BTNL8: variants seen among roughly 807,000 people sequenced by gnomAD.
BTNL8 encodes the protein butyrophilin-like protein 8.
Under a neutral mutation model 36.1 loss-of-function variants are expected in BTNL8, and 22 were observed. The observed-to-expected ratio is 0.61, with a 90% confidence interval of 0.44 to 0.87. The LOEUF (loss-of-function observed/expected upper bound fraction) is 0.87. BTNL8 is among the 40% of genes least tolerant of loss of function. The probability of loss-of-function intolerance (pLI) is 0.00; values close to 1 mark genes in which losing one functional copy is unlikely to be tolerated. For missense variants in BTNL8, 526 were observed against 616.9 expected (o/e 0.85, Z 1.56); for synonymous variants, 203 against 235.6 (o/e 0.86, Z 1.27).
chr5:180,949,537 G>A (rs1489366801), intron 7 of BTNL8: 2 of 566,082 alleles, frequency 3.5e-6, no homozygotes, highest in African/African-American at 1.9e-5. Flanking sequence ...ACTAGTGACT[G>A]GTCAGGGGTC....
chr5:180,911,587 G>C lies in BTNL8; in HGVS notation c.646G>C (p.Glu216Gln), dbSNP rs762079358. 5.6e-6 allele frequency: 9 copies of C among 1,613,604 alleles called. No homozygotes were observed. The South Asian group carries it at 8.8e-5, about 16-fold the overall frequency. Residue 216 changes from glutamate (E) to glutamine (Q), a missense_variant, in exon 3 of 8, where the codon GAG becomes CAG. This residue lies in a region of BTNL8 where 350 missense variants were observed against 324.6 expected (regional missense o/e 1.08). Coordinates refer to ENST00000340184, the MANE Select transcript of BTNL8 (RefSeq NM_001040462.3). ...CATGCGGCATGCTCATCTGAGCCGA[G>C]AGGTGGAATCCAGGGTACAGATAGG... ...CSMRHAHLSREVESRVQIGDT... is the reference protein window; with the variant it reads ...CSMRHAHLSRQVESRVQIGDT...
chr5:180,932,141 A>C (rs937910014), intron 3 of BTNL8, among the ~76,000 whole-genome samples: 6 of 152,142 alleles, frequency 3.9e-5, no homozygotes, highest in Non-Finnish European at 8.8e-5. Flanking sequence ...AACAAGCATA[A>C]GTGGAAGTTG....
intron 1 of BTNL8, among the ~76,000 whole-genome samples, chr5:180,906,187 T>C (rs1757075093): frequency 6.7e-6 from 1 of 148,742 alleles, no homozygotes; most frequent in South Asian, 2.1e-4. Context: ...CAGGACTTGC[T>C]TTACGAATCT....
intron 1 of BTNL8, among the ~76,000 whole-genome samples, chr5:180,900,961 G>T (rs1756797835): frequency 6.6e-6 from 1 of 152,194 alleles, no homozygotes; most frequent in Non-Finnish European, 1.5e-5. Context: ...TCCAAGGGTG[G>T]CAGGAAGCCC....
At chr5:180,926,492 AG>A (rs962626826) in intron 3 of BTNL8, among the ~76,000 whole-genome samples, 14 of 152,178 alleles carry the variant, frequency 9.2e-5, no homozygotes, top group Non-Finnish European at 1.8e-4. Context: ...TCCCCTGGAA[AG>A]GGGGCTGAAG....
At position 180,924,470 on chromosome 5, in the gene BTNL8, C is replaced by A. The variant is rs565374575; in HGVS notation, c.673+12856C>A. ...ATCTAGCAAGAAAGACAACCTCTAA[C>A]CCTGGACAATCAGGCAACTGCAGAG... On this transcript the variant is annotated intron_variant, in intron 3 of 7. Coordinates refer to ENST00000340184, the MANE Select transcript of BTNL8 (RefSeq NM_001040462.3). Among the ~76,000 whole-genome samples the A allele has an allele frequency of 2.0e-4, 30 of 152,338 alleles. No individual in the cohort carries two copies. In the South Asian group the frequency reaches 6.0e-3, roughly 31 times the overall value.
chr5:180,920,098 A>G (rs562580341), intron 3 of BTNL8, among the ~76,000 whole-genome samples: 4 of 152,332 alleles, frequency 2.6e-5, no homozygotes, highest in African/African-American at 9.6e-5. Context: ...AAGTACAAGC[A>G]TCATACTACC....
At chr5:180,907,863 G>A (rs1158419831) in intron 1 of BTNL8, among the ~76,000 whole-genome samples, 2 of 150,984 alleles carry the variant, frequency 1.3e-5, no homozygotes, top group African/African-American at 4.9e-5. Context: ...ACTTGAGGAG[G>A]CAGTCTGCCA....
At chr5:180,910,086 G>A (rs919268531) in intron 2 of BTNL8, among the ~76,000 whole-genome samples, 4 of 152,094 alleles carry the variant, frequency 2.6e-5, no homozygotes, top group African/African-American at 7.2e-5. Context: ...GCCCGGCTAA[G>A]CTGTCCTGGT....
intron 3 of BTNL8, 21 bp from the exon 4 acceptor site, chr5:180,947,491 G>A (rs774551782): frequency 6.2e-7 from 1 of 1,610,510 alleles, no homozygotes; most frequent in East Asian, 2.2e-5. Flanking sequence ...TAACTAAAAT[G>A]TCTGTGGGAT....
At chr5:180,932,789 A>ATTTTAT (rs1758459223) in intron 3 of BTNL8, among the ~76,000 whole-genome samples, 1 of 152,216 alleles carries the variant, frequency 6.6e-6, no homozygotes, top group Non-Finnish European at 1.5e-5. Flanking sequence ...AGATCTACAA[A>ATTTTAT]ACCAACATAA....
chr5:180,910,790 C>G (rs1213366737), intron 2 of BTNL8, among the ~76,000 whole-genome samples: 1 of 152,166 alleles, frequency 6.6e-6, no homozygotes, highest in South Asian at 2.1e-4. Flanking sequence ...TTCCTCCTCC[C>G]TACACCTCCT....
chr5:180,947,677 G>A, intron 4 of BTNL8, 52 bp downstream of exon 4: 1 of 1,614,152 alleles, frequency 6.2e-7, no homozygotes, highest in Non-Finnish European at 8.5e-7. Context: ...GTTCCAGCAG[G>A]GACAGGATCA....
intron 2 of BTNL8, among the ~76,000 whole-genome samples, chr5:180,909,287 T>G (rs1345228161): frequency 6.6e-6 from 1 of 152,240 alleles, no homozygotes; most frequent in African/African-American, 2.4e-5. Flanking sequence ...GCAGGTGACC[T>G]TTTGAGATTG....
chr5:180,910,557 T>A (rs1757341115), intron 2 of BTNL8, among the ~76,000 whole-genome samples: 1 of 152,106 alleles, frequency 6.6e-6, no homozygotes, highest in African/African-American at 2.4e-5. Flanking sequence ...TCCCTGAGAC[T>A]TTTTTTTCTT....
chr5:180,911,356 C>T lies in BTNL8; in HGVS notation c.415C>T (p.Leu139Phe), dbSNP rs768029042. The change falls in exon 3 of 8, where the codon CTC becomes TTC. Residue 139 changes from leucine to phenylalanine, a missense_variant. Leu to Phe is a conservative substitution (Grantham distance 22). Transcript: ENST00000340184. ...LQVSALGSVPLISITGYVDRD... is the reference protein window; with the variant it reads ...LQVSALGSVPFISITGYVDRD... Reference sequence around the variant, plus strand: ...CTCCCCAGCACTGGGCTCAGTTCCTCTCATTTCCATCACGGGATATGTTGA... The same window carrying T: ...CTCCCCAGCACTGGGCTCAGTTCCTTTCATTTCCATCACGGGATATGTTGA... The T allele has an allele frequency of 4.3e-6, 7 of 1,614,074 alleles. No individual in the cohort carries two copies. The African/African-American group carries it at 5.3e-5, about 12-fold the overall frequency.
intron 2 of BTNL8, among the ~76,000 whole-genome samples, chr5:180,909,295 T>C (rs768653126): frequency 2.6e-5 from 4 of 152,242 alleles, no homozygotes; most frequent in Non-Finnish European, 5.9e-5. Flanking sequence ...CCTTTTGAGA[T>C]TGACTTTTTA....
chr5:180,946,511 G>C (rs1486181557), intron 3 of BTNL8, among the ~76,000 whole-genome samples: 1 of 152,138 alleles, frequency 6.6e-6, no homozygotes, highest in East Asian at 1.9e-4. Flanking sequence ...AATAAGCCAA[G>C]CACAGAAAGA....
chr5:180,914,014 A>T (rs1757516902), intron 3 of BTNL8, among the ~76,000 whole-genome samples: 1 of 152,044 alleles, frequency 6.6e-6, no homozygotes, highest in Non-Finnish European at 1.5e-5. Context: ...CCATAAATTA[A>T]CTCTCATCAG....
Sources: gnomAD v4.1 joint callset for allele counts (sites outside exome capture counted in the v4.1 genomes callset) on GRCh38, gnomAD v4.1.1 for gene constraint, gnomAD v4.1.1 regional missense constraint, MANE v1.5 for transcripts, NCBI Gene and HGNC (gene_info 2026-07-23, HGNC 2026-07-21) for gene names.